Variants in SART1 observed in about 807,000 individuals in gnomAD.
SART1 encodes the protein spliceosome associated factor 1, recruiter of U4/U6.U5 tri-snRNP.
SART1 carries 28 observed loss-of-function variants against 105.0 expected under a neutral mutation model. The ratio of observed to expected loss-of-function variants is 0.27; its 90% CI spans 0.20 to 0.37. The LOEUF is 0.37. SART1 is among the 10% of genes least tolerant of loss of function. The pLI, the probability that SART1 is intolerant of heterozygous loss-of-function variation, is 1.00. For missense variants in SART1, 894 were observed against 1,106.5 expected (o/e 0.81, Z 2.72); for synonymous variants, 472 against 462.9 (o/e 1.02, Z -0.25).
chr11:65,975,677 A>C (rs1178466310), intron 12 of SART1, among the ~76,000 whole-genome samples: 1 of 152,132 alleles, frequency 6.6e-6, no homozygotes, highest in Admixed American at 6.6e-5. Context: ...TTTTAAAAAA[A>C]TGAATGTAAT....
Position 65,977,219 on chromosome 11 carries a change from C to A in SART1, c.1945+118C>A, listed in dbSNP as rs368385142. On this transcript the variant is annotated intron_variant, in intron 15 of 19. Coordinates refer to ENST00000312397, the MANE Select transcript of SART1 (RefSeq NM_005146.5). Reference sequence around the variant, plus strand: ...CTCTCAGTCCCAATGCTGGAGCCAGCTGTCCGGCCCAGAGCCACTCCTTCC... The same window carrying A: ...CTCTCAGTCCCAATGCTGGAGCCAGATGTCCGGCCCAGAGCCACTCCTTCC... The A allele has an allele frequency of 2.6e-5, 19 of 732,596 alleles. No homozygotes were observed. In the South Asian group the frequency reaches 3.0e-4, roughly 11 times the overall value. 45.4% of individuals were successfully genotyped at this position (732,596 alleles called of 1,614,324 possible). A position where few individuals can be genotyped will look rare whatever the true frequency, so the allele number is the denominator to read the frequency against.
At chr11:65,965,510 CG>C (rs1300705185) in intron 5 of SART1, 63 bp downstream of exon 5, 1 of 1,482,758 alleles carries the variant, frequency 6.7e-7, no homozygotes, top group African/African-American at 1.4e-5. Context: ...GGCACTGAGG[CG>C]GGGGCCAACC....
chr11:65,966,562 C>T lies in SART1; in HGVS notation c.1188+6C>T, dbSNP rs767547085. The T allele has an allele frequency of 2.7e-6, 4 of 1,502,386 alleles. No individual in the cohort carries two copies. Among genetic ancestry groups the T allele is most frequent in the Admixed American group, 2.3e-5 (1 of 43,108 alleles). 93.1% of individuals were successfully genotyped at this position (1,502,386 alleles called of 1,614,324 possible). ...ACCTCACGCCTGAGGAGATGGTGAG[C>T]CCTCCCGTGCCTTATACTCGGGGTC... is the stretch of plus-strand genomic sequence containing the variant. On this transcript the variant is annotated splice_donor_region_variant and intron_variant, in intron 9 of 19. Coordinates refer to ENST00000312397, the MANE Select transcript of SART1 (RefSeq NM_005146.5).
intron 1 of SART1, 33 bp downstream of exon 1, chr11:65,962,126 C>T (rs905229187): frequency 1.3e-3 from 34 of 25,904 alleles, no homozygotes; most frequent in Non-Finnish European, 2.0e-3. Flanking sequence ...GGGGGCGGGT[C>T]GGGCGGGGGT....
chr11:65,961,741 T>C lies in SART1; in HGVS notation c.-40T>C. On this transcript the variant is annotated 5_prime_UTR_variant, in exon 1 of 20. Transcript: ENST00000312397. ...GGAAGTATTCCCATTTTGCGTTGTCTGGGCTCGGCGGCAGCCGGGCTCGGA... is the reference window on the plus strand; with the variant it reads ...GGAAGTATTCCCATTTTGCGTTGTCCGGGCTCGGCGGCAGCCGGGCTCGGA... 1.4e-6 allele frequency: 2 copies of C among 1,463,778 alleles called. No homozygotes were observed. Among genetic ancestry groups the C allele is most frequent in the Non-Finnish European group, 1.8e-6 (2 of 1,113,028 alleles). 90.7% of individuals were successfully genotyped at this position (1,463,778 alleles called of 1,614,324 possible). A position where few individuals can be genotyped will look rare whatever the true frequency, so the allele number is the denominator to read the frequency against.
In SART1 at chr11:65,964,546, T is replaced by G. The variant is rs1477940487; in HGVS notation, c.403T>G (p.Leu135Val). The change falls in exon 3 of 20, where the codon TTG becomes GTG. Residue 135 changes from leucine (L) to valine (V), a missense_variant. Transcript: ENST00000312397. ...KLRAKLGLKPLEVNAIKKEAG... is the reference protein window; with the variant it reads ...KLRAKLGLKPVEVNAIKKEAG... ...CCGGGCAAAGTTGGGGCTGAAACCCTTGGAGGTTAATGCCATCAAGAAGGG... is the reference window on the plus strand; with the variant it reads ...CCGGGCAAAGTTGGGGCTGAAACCCGTGGAGGTTAATGCCATCAAGAAGGG... 1 of 1,612,194 alleles carries G rather than the reference T, an allele frequency of 6.2e-7. No individual in the cohort carries two copies. The highest frequency in any genetic ancestry group is 8.5e-7 in the Non-Finnish European group (1 of 1,179,498).
At chr11:65,974,440 G>A (rs1012067525) in intron 12 of SART1, among the ~76,000 whole-genome samples, 2 of 151,058 alleles carry the variant, frequency 1.3e-5, no homozygotes, top group African/African-American at 2.4e-5. Context: ...CAGCACTTTG[G>A]GAGGCTGAGG....
At chr11:65,974,728 A>G (rs1303159287) in intron 12 of SART1, among the ~76,000 whole-genome samples, 2 of 151,922 alleles carry the variant, frequency 1.3e-5, no homozygotes, top group South Asian at 2.1e-4. Flanking sequence ...TATGTTTACA[A>G]TGTTCATTAA....
At position 65,978,997 on chromosome 11, in the gene SART1, T is replaced by G; in HGVS notation, c.2385-15T>G. ...GCCCGCCTCTGCAGCCTCACGCCCCTGTTCTTCTCTGCAGGAACACCATCA... is the reference window on the plus strand; with the variant it reads ...GCCCGCCTCTGCAGCCTCACGCCCCGGTTCTTCTCTGCAGGAACACCATCA... On this transcript the variant is annotated splice_polypyrimidine_tract_variant and intron_variant, in intron 19 of 19. Transcript: ENST00000312397. The surrounding 1 kb of genome is among the most constrained non-coding windows in gnomAD (Gnocchi z 6.8). 6.2e-7 allele frequency: 1 copy of G among 1,614,088 alleles called. No individual in the cohort carries two copies.
At chr11:65,973,463 A>C (rs192760334) in intron 12 of SART1, among the ~76,000 whole-genome samples, 54 of 152,338 alleles carry the variant, frequency 3.5e-4, no homozygotes, top group African/African-American at 1.2e-3. Flanking sequence ...GAACCAAAAC[A>C]GTGAGGCACC....
intron 12 of SART1, 128 bp downstream of exon 12, chr11:65,967,949 GTTT>G (rs35216160): frequency 0.024 from 9,950 of 412,284 alleles, no homozygotes; most frequent in South Asian, 0.036. Context: ...TTCTGGGTTT[GTTT>G]TTTTTTTTTT....
rs990395696 is a variant in SART1 at position 65,968,010 on chromosome 11, C to T, written c.1572+189C>T. Among the ~76,000 whole-genome samples the T allele has an allele frequency of 3.2e-4, 47 of 147,548 alleles. 1 individual carries two copies. The highest frequency in any genetic ancestry group is 2.8e-4 in the Non-Finnish European group (19 of 67,452). ...TTTCGCCCAGGCTGGAATGCAGTGGCGCAGCCTCAGCTCACTGCAACCTCC... is the reference window on the plus strand; with the variant it reads ...TTTCGCCCAGGCTGGAATGCAGTGGTGCAGCCTCAGCTCACTGCAACCTCC... On this transcript the variant is annotated intron_variant, in intron 12 of 19. Coordinates refer to ENST00000312397, the MANE Select transcript of SART1 (RefSeq NM_005146.5).
In SART1 at chr11:65,976,916, A is replaced by G; in HGVS notation, c.1858-98A>G. Reference sequence around the variant, plus strand: ...TCTGAGGAGTAAATGAGGAAATTAAATGTTGTGGAGGGCTGGTGCCTGGCA... The same window carrying G: ...TCTGAGGAGTAAATGAGGAAATTAAGTGTTGTGGAGGGCTGGTGCCTGGCA... On this transcript the variant is annotated intron_variant, in intron 14 of 19. Transcript: ENST00000312397. The surrounding 1 kb of genome is among the most constrained non-coding windows in gnomAD (Gnocchi z 5.1). The G allele has an allele frequency of 1.7e-6, 2 of 1,193,032 alleles. No homozygotes were observed. Among genetic ancestry groups the G allele is most frequent in the Admixed American group, 1.8e-5 (1 of 54,416 alleles). The allele number at this position is 1,193,032 out of a possible 1,614,324, so 73.9% of individuals were successfully genotyped here.
intron 1 of SART1, among the ~76,000 whole-genome samples, chr11:65,962,997 G>A (rs918430993): frequency 2.0e-5 from 3 of 151,900 alleles, no homozygotes; most frequent in African/African-American, 7.3e-5. Flanking sequence ...GGGGTGGGGG[G>A]AGATAGTTCA....
rs561718114 is a variant in SART1 at position 65,976,859 on chromosome 11, C to G, written c.1857+93C>G. 1 of 1,203,742 alleles carries G rather than the reference C, an allele frequency of 8.3e-7. No homozygotes were observed. The highest frequency in any genetic ancestry group is 2.5e-5 in the East Asian group (1 of 39,588). 74.6% of individuals were successfully genotyped at this position (1,203,742 alleles called of 1,614,324 possible). A position where few individuals can be genotyped will look rare whatever the true frequency, so the allele number is the denominator to read the frequency against. Reference sequence around the variant, plus strand: ...GTGTCCAGAGCCTCAGCCTCCTCATCCAGAGTGGGCTCTGCAGACCTCCCA... The same window carrying G: ...GTGTCCAGAGCCTCAGCCTCCTCATGCAGAGTGGGCTCTGCAGACCTCCCA... On this transcript the variant is annotated intron_variant, in intron 14 of 19. Transcript: ENST00000312397. This position sits in a 1 kb window ranked among gnomAD's most constrained non-coding sequence, Gnocchi z 5.1.
At position 65,978,400 on chromosome 11, in the gene SART1, A is replaced by G; in HGVS notation, c.2173-200A>G. 1.7e-6 allele frequency: 1 copy of G among 596,396 alleles called. No homozygotes were observed. The highest frequency in any genetic ancestry group is 1.9e-5 in the South Asian group (1 of 51,600). 36.9% of individuals were successfully genotyped at this position (596,396 alleles called of 1,614,324 possible). On this transcript the variant is annotated intron_variant, in intron 17 of 19. Coordinates refer to ENST00000312397, the MANE Select transcript of SART1 (RefSeq NM_005146.5). This position sits in a 1 kb window ranked among gnomAD's most constrained non-coding sequence, Gnocchi z 6.8. ...CTGCCCCCATGGCAGCGCATCCACT[A>G]GCCAAGCTGGTCTCCCGGCCTCTGC... is the stretch of plus-strand genomic sequence containing the variant.
In SART1 at chr11:65,967,473, T is replaced by C. The variant is rs1209217703; in HGVS notation, c.1316T>C (p.Leu439Pro). Reference sequence around the variant, plus strand: ...CCAGAGAGGCCTCCTTCCCTCAGACTGCGGGGACGGGGTCGCCGCCGAGTG... The same window carrying C: ...CCAGAGAGGCCTCCTTCCCTCAGACCGCGGGGACGGGGTCGCCGCCGAGTG... ...QTQDGDFGSR[L>P]RGRGRRRVSE... Residue 439 changes from leucine (L) to proline (P), a missense_variant and splice_region_variant, in exon 11 of 20, where the codon CTG becomes CCG. Transcript: ENST00000312397. The C allele has an allele frequency of 1.2e-6, 2 of 1,613,332 alleles. No individual in the cohort carries two copies. The highest frequency in any genetic ancestry group is 1.7e-6 in the Non-Finnish European group (2 of 1,179,828).
chr11:65,977,434 A>T (rs1855504631), intron 15 of SART1, 129 bp from the exon 16 acceptor site: 1 of 762,658 alleles, frequency 1.3e-6, no homozygotes, highest in East Asian at 2.6e-5. Context: ...TTGCCTGTAG[A>T]ACAGGCCTGA....
At position 65,961,744 on chromosome 11, in the gene SART1, G is replaced by C. The variant is rs767079262; in HGVS notation, c.-37G>C. The stretch of plus-strand genomic sequence containing the variant: ...AGTATTCCCATTTTGCGTTGTCTGG[G>C]CTCGGCGGCAGCCGGGCTCGGAGTG... On this transcript the variant is annotated 5_prime_UTR_variant, in exon 1 of 20. Coordinates refer to ENST00000312397, the MANE Select transcript of SART1 (RefSeq NM_005146.5). 2.0e-6 allele frequency: 3 copies of C among 1,465,370 alleles called. No individual in the cohort carries two copies. Among genetic ancestry groups the C allele is most frequent in the Non-Finnish European group, 1.8e-6 (2 of 1,113,888 alleles). The allele number at this position is 1,465,370 out of a possible 1,614,324, so 90.8% of individuals were successfully genotyped here. A position where few individuals can be genotyped will look rare whatever the true frequency, so the allele number is the denominator to read the frequency against.
Sources: allele counts gnomAD v4.1 joint callset (sites outside exome capture counted in the v4.1 genomes callset), GRCh38; gene constraint gnomAD v4.1.1; non-coding constraint Gnocchi (gnomAD v3.1); transcripts MANE v1.5; gene names NCBI Gene and HGNC (gene_info 2026-07-23, HGNC 2026-07-21).